MAP3K9: variants seen among roughly 807,000 people sequenced by gnomAD.
MAP3K9 encodes mixed lineage kinase 1 (tyr and ser/thr specificity).
MAP3K9 carries 46 observed loss-of-function variants against 95.8 expected under a neutral mutation model. The ratio of observed to expected loss-of-function variants is 0.48; its 90% CI spans 0.38 to 0.61. MAP3K9 has a LOEUF of 0.61. MAP3K9 is among the 20% of genes least tolerant of loss of function. The probability of loss-of-function intolerance (pLI) is 0.00; values close to 1 mark genes in which losing one functional copy is unlikely to be tolerated. For synonymous variants in MAP3K9, 533 were observed against 593.8 expected (o/e 0.90, Z 1.49); for missense variants, 1,296 against 1,474.3 (o/e 0.88, Z 1.98).
chr14:70,779,706 T>C (rs1010037101), intron 2 of MAP3K9, among the ~76,000 whole-genome samples: 6 of 152,368 alleles, frequency 3.9e-5, no homozygotes, highest in Admixed American at 2.0e-4. Context: ...TCATTTTCAG[T>C]TGTAGCTACC....
chr14:70,753,972 T>G (rs910975593), intron 3 of MAP3K9, among the ~76,000 whole-genome samples: 1 of 152,192 alleles, frequency 6.6e-6, no homozygotes, highest in African/African-American at 2.4e-5. Flanking sequence ...CAGGTCAGGG[T>G]CCATGCTCTG....
intron 8 of MAP3K9, among the ~76,000 whole-genome samples, chr14:70,736,978 A>G (rs2053994564): frequency 1.3e-5 from 2 of 152,164 alleles, no homozygotes; most frequent in South Asian, 4.1e-4. Context: ...ATGGAATCTT[A>G]GTGTTTAAAG....
chr14:70,746,931 C>T (rs2054155185), intron 5 of MAP3K9, among the ~76,000 whole-genome samples: 1 of 152,184 alleles, frequency 6.6e-6, no homozygotes, highest in African/African-American at 2.4e-5. Context: ...AGCTGGAATA[C>T]TATTTAGTGA....
rs1339837226 is a variant in MAP3K9 at position 70,730,378 on chromosome 14, T to A, written c.*2A>T. The A allele has an allele frequency of 6.3e-7, 1 of 1,597,892 alleles. No homozygotes were observed. The highest frequency in any genetic ancestry group is 1.3e-5 in the African/African-American group (1 of 74,638). ...CCCTTGCCCGCCCCAATCCTTTTCG[T>A]GCTAAGACCAGAACTCCTGCTGGAT... is the stretch of plus-strand genomic sequence containing the variant. On this transcript the variant is annotated 3_prime_UTR_variant, in exon 12 of 12. Transcript: ENST00000554752.
At chr14:70,785,181 G>A (rs775474204) in intron 2 of MAP3K9, among the ~76,000 whole-genome samples, 25 of 152,204 alleles carry the variant, frequency 1.6e-4, no homozygotes, top group Non-Finnish European at 2.9e-4. Flanking sequence ...AGCTTCCTCT[G>A]TTATAAAATG....
chr14:70,780,054 T>G (rs1350087321), intron 2 of MAP3K9, among the ~76,000 whole-genome samples: 1 of 152,224 alleles, frequency 6.6e-6, no homozygotes, highest in Non-Finnish European at 1.5e-5. Context: ...ATTGGGATAC[T>G]AGGGTGATAG....
At chr14:70,774,983 C>CAAAAA (rs60144338) in intron 2 of MAP3K9, among the ~76,000 whole-genome samples, 16 of 55,112 alleles carry the variant, frequency 2.9e-4, no homozygotes, top group Non-Finnish European at 3.3e-4. Flanking sequence ...ACTCTGTCCC[C>CAAAAA]AAAAAAAAAA....
chr14:70,740,212 T>C (rs770408482), intron 6 of MAP3K9, 48 bp from the exon 7 acceptor site: 19 of 1,575,708 alleles, frequency 1.2e-5, no homozygotes, highest in East Asian at 1.1e-4. Flanking sequence ...TTTCCCATAA[T>C]TAAATTCATA....
At chr14:70,781,036 C>T (rs2054668933) in intron 2 of MAP3K9, among the ~76,000 whole-genome samples, 4 of 152,256 alleles carry the variant, frequency 2.6e-5, no homozygotes, top group South Asian at 4.1e-4. Context: ...CATCTCCCAT[C>T]CTCTGTGCTT....
At chr14:70,788,859 A>T (rs185748576) in intron 2 of MAP3K9, among the ~76,000 whole-genome samples, 24 of 152,332 alleles carry the variant, frequency 1.6e-4, no homozygotes, top group Admixed American at 2.0e-4. Flanking sequence ...AGACCACAAA[A>T]CTCAAAATAA....
At chr14:70,806,209 A>G (rs918023337) in intron 1 of MAP3K9, among the ~76,000 whole-genome samples, 7 of 152,234 alleles carry the variant, frequency 4.6e-5, no homozygotes, top group African/African-American at 1.7e-4. Flanking sequence ...GGTAGAGCAC[A>G]TAGACTTCAA....
intron 2 of MAP3K9, among the ~76,000 whole-genome samples, chr14:70,763,769 C>T (rs945479947): frequency 5.3e-5 from 8 of 151,892 alleles, no homozygotes; most frequent in Non-Finnish European, 1.0e-4. Context: ...TCGGTTCAAG[C>T]GATCCTCCCA....
chr14:70,793,573 G>A (rs1390798613), intron 2 of MAP3K9, among the ~76,000 whole-genome samples: 1 of 152,116 alleles, frequency 6.6e-6, no homozygotes, highest in African/African-American at 2.4e-5. Flanking sequence ...ACACAAGTGA[G>A]GTCTGAATGA....
At chr14:70,771,497 T>A (rs571296864) in intron 2 of MAP3K9, among the ~76,000 whole-genome samples, 1 of 152,076 alleles carries the variant, frequency 6.6e-6, no homozygotes, top group East Asian at 1.9e-4. Flanking sequence ...GCATCCTGTC[T>A]CACCTTAATA....
rs1204047440 is a variant in MAP3K9, at chr14:70,808,817, T to C, written c.355A>G (p.Ser119Gly). 3.8e-6 allele frequency: 6 copies of C among 1,591,742 alleles called. No homozygotes were observed. Among genetic ancestry groups the C allele is most frequent in the Non-Finnish European group, 5.1e-6 (6 of 1,172,192 alleles). Residue 119 changes from serine (S) to glycine (G), a missense_variant, in exon 1 of 12, where the codon AGC (serine) becomes GGC (glycine). Coordinates refer to ENST00000554752, the MANE Select transcript of MAP3K9 (RefSeq NM_001284230.2). The part of the protein sequence containing the change: ...NYVTPRSAFS[S>G]RCQPGGEDPS... ...TCCTCGCCGCCGGGCTGGCAGCGGC[T>C]GGAGAAGGCGCTGCGCGGGGTCACG...
At chr14:70,786,319 A>T (rs1164327521) in intron 2 of MAP3K9, among the ~76,000 whole-genome samples, 1 of 152,166 alleles carries the variant, frequency 6.6e-6, no homozygotes, top group Non-Finnish European at 1.5e-5. Flanking sequence ...CAGGGAGATT[A>T]TTAACAATCC....
At chr14:70,784,464 C>A (rs146978762) in intron 2 of MAP3K9, among the ~76,000 whole-genome samples, 1 of 152,064 alleles carries the variant, frequency 6.6e-6, no homozygotes, top group Non-Finnish European at 1.5e-5. Context: ...AAGCTGAAGC[C>A]GGGCACAGTG....
At position 70,730,389 on chromosome 14, in the gene MAP3K9, G is replaced by A. The variant is rs200506057; in HGVS notation, c.3306C>T (p.Phe1102=). Residue 1102 remains phenylalanine, a synonymous_variant, in exon 12 of 12, where the codon TTC becomes TTT. Coordinates refer to ENST00000554752, the MANE Select transcript of MAP3K9 (RefSeq NM_001284230.2). ...CCCAATCCTTTTCGTGCTAAGACCA[G>A]AACTCCTGCTGGATCTCATAAGGGG... ...RPAPYEIQQE[F]WS 8.1e-6 allele frequency: 13 copies of A among 1,604,082 alleles called. No individual in the cohort carries two copies. Among genetic ancestry groups the A allele is most frequent in the Non-Finnish European group, 1.0e-5 (12 of 1,171,802 alleles).
At chr14:70,796,710 C>T (rs2051857) in intron 2 of MAP3K9, among the ~76,000 whole-genome samples, 6,320 of 152,334 alleles carry the variant, frequency 0.041, 136 homozygotes, top group East Asian at 0.094. Flanking sequence ...TGTGCTTCTG[C>T]TTCCCCTCAT....
Sources: gnomAD v4.1 joint callset for allele counts (sites outside exome capture counted in the v4.1 genomes callset) on GRCh38, gnomAD v4.1.1 for gene constraint, MANE v1.5 for transcripts, NCBI Gene and HGNC (gene_info 2026-07-23, HGNC 2026-07-21) for gene names.